The following PRKN variants were observed in gnomAD, a reference collection of about 807,000 sequenced individuals.
PRKN encodes the protein parkin RBR E3 ubiquitin protein ligase, also known as E3 ubiquitin-protein ligase parkin.
In PRKN, 56 loss-of-function variants were observed where a neutral mutation model predicts 59.5. That is an observed-to-expected ratio of 0.94 (90% CI 0.76 to 1.18). PRKN has a LOEUF of 1.18. PRKN is among the 50% of genes most tolerant of loss of function. The probability of loss-of-function intolerance (pLI) is 0.00; values close to 1 mark genes in which losing one functional copy is unlikely to be tolerated. For missense variants in PRKN, 657 were observed against 596.4 expected (o/e 1.10, Z -1.06); for synonymous variants, 250 against 222.1 (o/e 1.13, Z -1.12).
rs1032565887 is a variant in PRKN at position 161,502,744 on chromosome 6, C to T, written c.1083+46110G>A. 4.6e-5 allele frequency among the ~76,000 whole-genome samples: 7 copies of T among 152,078 alleles called. No homozygotes were observed. The highest frequency in any genetic ancestry group is 2.1e-4 in the South Asian group (1 of 4,804). On this transcript the variant is annotated intron_variant, in intron 9 of 11. Coordinates refer to ENST00000366898, the MANE Select transcript of PRKN (RefSeq NM_004562.3). This position sits in a 1 kb window ranked among gnomAD's most constrained non-coding sequence, Gnocchi z 4.0. ...AGGACTAATGATGGTGGAGCAGTGT[C>T]GGTGAGGGTATGAGGTGGCTCTGAT...
At chr6:161,481,662 AC>A (rs898245621) in intron 9 of PRKN, among the ~76,000 whole-genome samples, 5 of 151,996 alleles carry the variant, frequency 3.3e-5, no homozygotes, top group African/African-American at 1.2e-4. Context: ...GAAAAAAAGA[AC>A]CTTTGCCGCA....
chr6:162,309,780 A>C (rs1299597325), intron 2 of PRKN, among the ~76,000 whole-genome samples: 1 of 152,094 alleles, frequency 6.6e-6, no homozygotes, highest in East Asian at 1.9e-4. Context: ...TGTGTCATGG[A>C]GTTTTGCTGT....
chr6:162,715,460 G>T (rs1584105489), intron 1 of PRKN, among the ~76,000 whole-genome samples: 1 of 152,110 alleles, frequency 6.6e-6, no homozygotes, highest in South Asian at 2.1e-4. Flanking sequence ...CCTTTTGAAG[G>T]GTTTGTTTCT....
intron 1 of PRKN, among the ~76,000 whole-genome samples, chr6:162,662,944 AT>A (rs1346342398): frequency 6.6e-6 from 1 of 152,144 alleles, no homozygotes; most frequent in East Asian, 1.9e-4. Context: ...CAGAAGAGCG[AT>A]TGAAGCTGAA....
intron 6 of PRKN, among the ~76,000 whole-genome samples, chr6:161,971,624 G>A (rs1780811802): frequency 6.6e-6 from 1 of 152,184 alleles, no homozygotes; most frequent in African/African-American, 2.4e-5. Flanking sequence ...ATGTTGTGGT[G>A]CTTCCTGCCA....
At chr6:162,011,817 C>G (rs964187245) in intron 5 of PRKN, among the ~76,000 whole-genome samples, 1 of 151,584 alleles carries the variant, frequency 6.6e-6, no homozygotes, top group African/African-American at 2.4e-5. Flanking sequence ...TAAACCTTTA[C>G]AAAATAGCAA....
At chr6:162,138,357 CT>C (rs1443049640) in intron 4 of PRKN, among the ~76,000 whole-genome samples, 1 of 152,126 alleles carries the variant, frequency 6.6e-6, no homozygotes, top group African/African-American at 2.4e-5. Flanking sequence ...TATGGCTCTT[CT>C]GGATGCCCCA....
At chr6:161,382,475 G>A (rs1269822858) in intron 10 of PRKN, among the ~76,000 whole-genome samples, 2 of 152,176 alleles carry the variant, frequency 1.3e-5, no homozygotes, top group African/African-American at 4.8e-5. Flanking sequence ...TAAAAATCTG[G>A]AAGTCTCAGT....
chr6:161,417,824 T>C lies in PRKN; in HGVS notation c.1084-30947A>G, dbSNP rs931831578. Among the ~76,000 whole-genome samples the C allele has an allele frequency of 6.6e-6, 1 of 152,088 alleles. No homozygotes were observed. Among genetic ancestry groups the C allele is most frequent in the African/African-American group, 2.4e-5 (1 of 41,408 alleles). On this transcript the variant is annotated intron_variant, in intron 9 of 11. Transcript: ENST00000366898. This position sits in a 1 kb window ranked among gnomAD's most constrained non-coding sequence, Gnocchi z 5.4. ...TTTGTAAATCAACAGTGTCTAATAA[T>C]CCCCCAAGGACAGGGCCCTAGGCAA...
At chr6:162,633,627 G>T (rs1777600437) in intron 1 of PRKN, among the ~76,000 whole-genome samples, 1 of 152,030 alleles carries the variant, frequency 6.6e-6, no homozygotes, top group East Asian at 1.9e-4. Flanking sequence ...CAGATTGCCT[G>T]AGTTTTGTCC....
intron 7 of PRKN, among the ~76,000 whole-genome samples, chr6:161,670,709 G>A (rs1246252488): frequency 2.0e-5 from 3 of 152,032 alleles, no homozygotes; most frequent in East Asian, 1.9e-4. Flanking sequence ...CCAGCTACTC[G>A]GGAGGCTGAG....
chr6:162,715,953 C>T (rs1168316875), intron 1 of PRKN, among the ~76,000 whole-genome samples: 1 of 152,198 alleles, frequency 6.6e-6, no homozygotes, highest in Non-Finnish European at 1.5e-5. Flanking sequence ...GAAGGTTCCC[C>T]TGCTTTATCA....
At chr6:162,423,472 A>G (rs1011211324) in intron 2 of PRKN, among the ~76,000 whole-genome samples, 2 of 152,094 alleles carry the variant, frequency 1.3e-5, no homozygotes, top group Admixed American at 6.6e-5. Flanking sequence ...TAGGTGCTAT[A>G]TAACTCAGGG....
intron 7 of PRKN, among the ~76,000 whole-genome samples, chr6:161,621,773 T>C (rs1562564700): frequency 6.6e-6 from 1 of 152,164 alleles, no homozygotes; most frequent in Non-Finnish European, 1.5e-5. Flanking sequence ...ACTGATCTAG[T>C]TAACCTTGCT....
In PRKN at chr6:161,352,371, A is replaced by G. The variant is rs1483343775; in HGVS notation, c.1286-2160T>C. Among the ~76,000 whole-genome samples the G allele has an allele frequency of 1.3e-5, 2 of 152,330 alleles. No homozygotes were observed. Among genetic ancestry groups the G allele is most frequent in the African/African-American group, 4.8e-5 (2 of 41,574 alleles). Reference sequence around the variant, plus strand: ...GCTTGTTTTAAAGATCATAAATTACAGATCTGTGGAAAATAAAGGAGAAAA... The same window carrying G: ...GCTTGTTTTAAAGATCATAAATTACGGATCTGTGGAAAATAAAGGAGAAAA... On this transcript the variant is annotated intron_variant, in intron 11 of 11. Coordinates refer to ENST00000366898, the MANE Select transcript of PRKN (RefSeq NM_004562.3). The surrounding 1 kb of genome is among the most constrained non-coding windows in gnomAD (Gnocchi z 5.8).
chr6:161,984,360 C>A (rs1052720438), intron 5 of PRKN, among the ~76,000 whole-genome samples: 3 of 152,152 alleles, frequency 2.0e-5, no homozygotes, highest in South Asian at 2.1e-4. Context: ...TGGGTTCAAG[C>A]AATTCTCCTG....
intron 1 of PRKN, among the ~76,000 whole-genome samples, chr6:162,587,111 T>C (rs1447348070): frequency 6.6e-6 from 1 of 152,180 alleles, no homozygotes; most frequent in African/African-American, 2.4e-5. Flanking sequence ...TATAAGAACA[T>C]AACATAAGCA....
intron 4 of PRKN, among the ~76,000 whole-genome samples, chr6:162,059,908 AAAG>A (rs1482352614): frequency 2.0e-5 from 3 of 152,208 alleles, no homozygotes; most frequent in Admixed American, 2.0e-4. Context: ...AAAAGCACAA[AAAG>A]AAGAATGTTT....
rs1237398264 is a variant in PRKN, at chr6:161,356,622, G to A, written c.1285+3466C>T. Among the ~76,000 whole-genome samples the A allele has an allele frequency of 1.3e-5, 2 of 152,172 alleles. No individual in the cohort carries two copies. The highest frequency in any genetic ancestry group is 2.4e-5 in the African/African-American group (1 of 41,452). Reference sequence around the variant, plus strand: ...GCTGGATCAGAGCACGGGGAAGGCCGTGGTGACCGGGGATTGAATGCAGGG... The same window carrying A: ...GCTGGATCAGAGCACGGGGAAGGCCATGGTGACCGGGGATTGAATGCAGGG... On this transcript the variant is annotated intron_variant, in intron 11 of 11. Transcript: ENST00000366898. The surrounding 1 kb of genome is among the most constrained non-coding windows in gnomAD (Gnocchi z 7.8).
Sources: gnomAD v4.1 joint callset for allele counts (sites outside exome capture counted in the v4.1 genomes callset) on GRCh38, gnomAD v4.1.1 for gene constraint, Gnocchi (gnomAD v3.1) non-coding constraint, MANE v1.5 for transcripts, NCBI Gene and HGNC (gene_info 2026-07-23, HGNC 2026-07-21) for gene names.